Variants in PGGHG observed in about 807,000 individuals in gnomAD.
The protein encoded by PGGHG is protein-glucosylgalactosylhydroxylysine glucosidase.
Under a neutral mutation model 74.5 loss-of-function variants are expected in PGGHG, and 67 were observed. The observed-to-expected ratio is 0.90, with a 90% CI of 0.74 to 1.10. The LOEUF (loss-of-function observed/expected upper bound fraction) is 1.10, where lower values mean the gene tolerates loss of function less well. Ranked by LOEUF, PGGHG falls within the 50% of genes least tolerant of loss-of-function variation. PGGHG has a pLI of 0.00. For missense variants in PGGHG, 1,034 were observed against 981.5 expected, an observed-to-expected ratio of 1.05 and a Z score of -0.72; for synonymous variants, 496 against 419.9, an observed-to-expected ratio of 1.18 and a Z score of -2.21.
intron 5 of PGGHG, 86 bp from the exon 6 acceptor site, chr11:292,460 C>A: frequency 1.3e-6 from 2 of 1,532,980 alleles, no homozygotes; most frequent in South Asian, 2.3e-5. Context: ...CCGAGCCCCC[C>A]CTCCTCCAGG....
In PGGHG at chr11:289,854, C is replaced by T; in HGVS notation, c.38C>T (p.Ala13Val). 2 of 1,551,080 alleles carry T rather than the reference C, an allele frequency of 1.3e-6. No individual in the cohort carries two copies. The highest frequency in any genetic ancestry group is 1.7e-6 in the Non-Finnish European group (2 of 1,146,886). The part of the protein sequence containing the change: ...DAGEDPTTFA[A>V]HSLPSDPRLL... ...GGCGAGGACCCCACCACGTTTGCTG[C>T]CCACTCTCTGCCCAGTGACCCCCGT... The change falls in exon 2 of 14, where the codon GCC becomes GTC. Residue 13 changes from alanine (A) to valine (V), a missense_variant. By Grantham distance (64) the Ala-to-Val change is moderately conservative. Coordinates refer to ENST00000409548, the MANE Select transcript of PGGHG (RefSeq NM_025092.5). The surrounding 1 kb of genome is among the most constrained non-coding windows in gnomAD (Gnocchi z 5.6).
Position 295,575 on chromosome 11 carries a change from G to A in PGGHG, c.*826G>A, listed in dbSNP as rs1229282184. 1.3e-5 allele frequency: 2 copies of A among 152,314 alleles called. No individual in the cohort carries two copies. Among genetic ancestry groups the A allele is most frequent in the Non-Finnish European group, 2.9e-5 (2 of 68,076 alleles). 9.4% of individuals were successfully genotyped at this position (152,314 alleles called of 1,614,324 possible). On this transcript the variant is annotated 3_prime_UTR_variant, in exon 14 of 14. Transcript: ENST00000409548. ...GGTTCGGTCGTCAGCAGTTTCCCAAGAACAAGATGTGATGGCATCTGCTGC... is the reference window on the plus strand; with the variant it reads ...GGTTCGGTCGTCAGCAGTTTCCCAAAAACAAGATGTGATGGCATCTGCTGC...
At chr11:290,179 A>C (rs1845674466) in intron 2 of PGGHG, 104 bp downstream of exon 2, 1 of 1,435,714 alleles carries the variant, frequency 7.0e-7, no homozygotes, top group South Asian at 1.4e-5. Flanking sequence ...TTTACACAGG[A>C]AGTCTCACTA....
At position 289,682 on chromosome 11, in the gene PGGHG, G is replaced by T; in HGVS notation, c.-13-122G>T. 7.8e-7 allele frequency: 1 copy of T among 1,277,992 alleles called. No individual in the cohort carries two copies. Among genetic ancestry groups the T allele is most frequent in the Non-Finnish European group, 1.0e-6 (1 of 956,116 alleles). The allele number at this position is 1,277,992 out of a possible 1,614,324, so 79.2% of individuals were successfully genotyped here. On this transcript the variant is annotated intron_variant, in intron 1 of 13. Coordinates refer to ENST00000409548, the MANE Select transcript of PGGHG (RefSeq NM_025092.5). The surrounding 1 kb of genome is among the most constrained non-coding windows in gnomAD (Gnocchi z 5.6). The stretch of plus-strand genomic sequence containing the variant: ...CTAGGAGGGGCCTCAGGAAAATCGG[G>T]GCTGCCCAGCTGGTTCCGCAACTCC...
Position 294,422 on chromosome 11 carries a change from C to T in PGGHG, c.1964C>T (p.Ala655Val), listed in dbSNP as rs772970390. The change falls in exon 13 of 14, where the codon GCT becomes GTT. Residue 655 changes from alanine to valine, a missense_variant. Coordinates refer to ENST00000409548, the MANE Select transcript of PGGHG (RefSeq NM_025092.5). The stretch of plus-strand genomic sequence containing the variant: ...GTCACAGCTCGAGCAGGGCCCTGGG[C>T]TCCTCACCTGGAGGCTGAGCTGTGG... ...VEVTARAGPW[A>V]PHLEAELWPS... The T allele has an allele frequency of 9.9e-6, 16 of 1,612,888 alleles. No individual in the cohort carries two copies. In the South Asian group the frequency reaches 1.6e-4, roughly 17 times the overall value.
Position 290,931 on chromosome 11 carries a change from T to C in PGGHG, c.724T>C (p.Cys242Arg), listed in dbSNP as rs759783981. Reference sequence around the variant, plus strand: ...GGCCTGGGCCCAGCTCTGGGTAGAATGTGGCTTGGACGTGGTGGGGCCCCT... The same window carrying C: ...GGCCTGGGCCCAGCTCTGGGTAGAACGTGGCTTGGACGTGGTGGGGCCCCT... ...AQAWAQLWVE[C>R]GLDVVGPLQL... The change falls in exon 4 of 14, where the codon TGT (cysteine) becomes CGT (arginine). Residue 242 changes from cysteine to arginine, a missense_variant. Transcript: ENST00000409548. 3.7e-6 allele frequency: 6 copies of C among 1,612,358 alleles called. No homozygotes were observed. Among genetic ancestry groups the C allele is most frequent in the East Asian group, 4.5e-5 (2 of 44,836 alleles).
Position 290,383 on chromosome 11 carries a change from T to G in PGGHG, c.260-7T>G. ...CAACCCACCTGCCTTCGCTTCTGCC[T>G]CCCCAGGCTCCTTTCTTCACACCCT... On this transcript the variant is annotated splice_polypyrimidine_tract_variant and splice_region_variant and intron_variant, in intron 2 of 13. Transcript: ENST00000409548. 6.5e-7 allele frequency: 1 copy of G among 1,541,496 alleles called. No individual in the cohort carries two copies. The highest frequency in any genetic ancestry group is 1.2e-5 in the South Asian group (1 of 83,948).
rs1845809529 is a variant in PGGHG at position 294,205 on chromosome 11, A to C, written c.1808+9A>C. 6.2e-7 allele frequency: 1 copy of C among 1,601,616 alleles called. No individual in the cohort carries two copies. Among genetic ancestry groups the C allele is most frequent in the African/African-American group, 1.3e-5 (1 of 74,906 alleles). ...GGGTGCACGGGGTTCAGGTAAGTGC[A>C]GAGGCTGGCAGAGGGCAGCCCATGC... On this transcript the variant is annotated intron_variant, in intron 12 of 13. Coordinates refer to ENST00000409548, the MANE Select transcript of PGGHG (RefSeq NM_025092.5).
rs1845675141 is a variant in PGGHG, at chr11:290,197, AG to A, written c.259+124del. On this transcript the variant is annotated intron_variant, in intron 2 of 13. Coordinates refer to ENST00000409548, the MANE Select transcript of PGGHG (RefSeq NM_025092.5). ...ACACAGGAAGTCTCACTAAGACAGG[AG>A]GCCCCAGAGGCCCGCAGGGTCCCCC... is the stretch of plus-strand genomic sequence containing the variant. 6 of 1,400,932 alleles carry A rather than the reference AG, an allele frequency of 4.3e-6. No homozygotes were observed. In the East Asian group the frequency reaches 1.5e-4, roughly 35 times the overall value. The allele number at this position is 1,400,932 out of a possible 1,614,324, so 86.8% of individuals were successfully genotyped here.
chr11:290,067 C>T lies in PGGHG; in HGVS notation c.251C>T (p.Thr84Ile), dbSNP rs1484196319. 27 of 1,531,260 alleles carry T rather than the reference C, an allele frequency of 1.8e-5. No individual in the cohort carries two copies. Among genetic ancestry groups the T allele is most frequent in the Non-Finnish European group, 2.2e-5 (25 of 1,140,550 alleles). The allele number at this position is 1,531,260 out of a possible 1,614,324, so 94.9% of individuals were successfully genotyped here. The change falls in exon 2 of 14, where the codon ACC (threonine) becomes ATC (isoleucine). Residue 84 changes from threonine to isoleucine, a missense_variant. Physicochemically the swap from Thr to Ile is moderately conservative, Grantham distance 89. Transcript: ENST00000409548. ...CTGACCGAGACCTTCGCCCTGGACA[C>T]CAACACAGGTAGCGCCACCTGGCCT... Reference protein sequence around the residue: ...EQLTETFALDTNTGSFLHTLE... With the variant: ...EQLTETFALDINTGSFLHTLE...
At position 293,212 on chromosome 11, in the gene PGGHG, C is replaced by T. The variant is rs775210440; in HGVS notation, c.1320C>T (p.Tyr440=). ...EYHSGVNNSV[Y]TNVLVQNSLR... ...ATTCAGGGGTCAACAACTCTGTGTA[C>T]ACCAACGTCCTGGTCCAGAACAGGT... The change falls in exon 8 of 14, where the codon TAC becomes TAT. Residue 440 remains tyrosine (Y), a synonymous_variant. Coordinates refer to ENST00000409548, the MANE Select transcript of PGGHG (RefSeq NM_025092.5). The T allele has an allele frequency of 9.3e-6, 15 of 1,613,648 alleles. No individual in the cohort carries two copies. The highest frequency in any genetic ancestry group is 8.3e-5 in the Admixed American group (5 of 60,014).
At position 290,769 on chromosome 11, in the gene PGGHG, A is replaced by T. The variant is rs1015962072; in HGVS notation, c.562A>T (p.Thr188Ser). ...MLWTPAPPDL[T>S]LGEGEEARTW... ...GTGGACACCAGCACCCCCAGACCTG[A>T]CCCTTGGGGAAGGTGAGGAGGCTAG... is the stretch of plus-strand genomic sequence containing the variant. The change falls in exon 4 of 14, where the codon ACC becomes TCC. Residue 188 changes from threonine to serine, a missense_variant. By Grantham distance (58) the Thr-to-Ser change is moderately conservative. Coordinates refer to ENST00000409548, the MANE Select transcript of PGGHG (RefSeq NM_025092.5). The T allele has an allele frequency of 6.2e-7, 1 of 1,612,498 alleles. No individual in the cohort carries two copies. The highest frequency in any genetic ancestry group is 8.5e-7 in the Non-Finnish European group (1 of 1,179,728).
rs147479946 is a variant in PGGHG, at chr11:292,078, C to G, written c.1009C>G (p.Gln337Glu). 1 of 1,566,662 alleles carries G rather than the reference C, an allele frequency of 6.4e-7. No individual in the cohort carries two copies. Among genetic ancestry groups the G allele is most frequent in the African/African-American group, 1.4e-5 (1 of 74,020 alleles). Reference sequence around the variant, plus strand: ...GCTGGACGGGGCCCTGGAGAACGCCCAGAACCTGGGCTACCAGGTGAGGGG... The same window carrying G: ...GCTGGACGGGGCCCTGGAGAACGCCGAGAACCTGGGCTACCAGGTGAGGGG... ...RTLDGALENA[Q>E]NLGYQGAKFA... Residue 337 changes from glutamine (Q) to glutamate (E), a missense_variant, in exon 5 of 14, where the codon CAG (glutamine) becomes GAG (glutamate). By Grantham distance (29) the Gln-to-Glu change is conservative (BLOSUM62 2). Coordinates refer to ENST00000409548, the MANE Select transcript of PGGHG (RefSeq NM_025092.5).
Position 289,783 on chromosome 11 carries a change from A to T in PGGHG, c.-13-21A>T, listed in dbSNP as rs1756510293. ...GGCCCAGCCAGTCCCGCGGCCCCTG[A>T]CACCCCATCAGGCCGCTCAGGCCCA... On this transcript the variant is annotated intron_variant, in intron 1 of 13. Coordinates refer to ENST00000409548, the MANE Select transcript of PGGHG (RefSeq NM_025092.5). The surrounding 1 kb of genome is among the most constrained non-coding windows in gnomAD (Gnocchi z 5.6). The T allele has an allele frequency of 1.3e-6, 2 of 1,535,272 alleles. No homozygotes were observed. The highest frequency in any genetic ancestry group is 1.2e-5 in the South Asian group (1 of 82,362).
chr11:293,567 C>G, intron 9 of PGGHG, 27 bp from the exon 10 acceptor site: 1 of 1,613,262 alleles, frequency 6.2e-7, no homozygotes. Context: ...CCTGGAACAC[C>G]TTCCAGTCAG....
At chr11:294,025 C>A in intron 11 of PGGHG, 74 bp from the exon 12 acceptor site, 2 of 1,575,994 alleles carry the variant, frequency 1.3e-6, no homozygotes, top group Non-Finnish European at 1.7e-6. Context: ...GAGCTTCCTG[C>A]CGGATCTTGG....
Position 290,959 on chromosome 11 carries a change from A to C in PGGHG, c.752A>C (p.Gln251Pro), listed in dbSNP as rs2134022051. ...GGCTTGGACGTGGTGGGGCCCCTGCAGCTGCGCCAGGCCCTGCGTGGCTCC... is the reference window on the plus strand; with the variant it reads ...GGCTTGGACGTGGTGGGGCCCCTGCCGCTGCGCCAGGCCCTGCGTGGCTCC... ...ECGLDVVGPL[Q>P]LRQALRGSLY... Residue 251 changes from glutamine (Q) to proline (P), a missense_variant, in exon 4 of 14, where the codon CAG becomes CCG. Transcript: ENST00000409548. 1 of 1,612,736 alleles carries C rather than the reference A, an allele frequency of 6.2e-7. No individual in the cohort carries two copies. The highest frequency in any genetic ancestry group is 8.5e-7 in the Non-Finnish European group (1 of 1,179,980).
chr11:295,248 C>T lies in PGGHG; in HGVS notation c.*499C>T, dbSNP rs1845839660. On this transcript the variant is annotated 3_prime_UTR_variant, in exon 14 of 14. Coordinates refer to ENST00000409548, the MANE Select transcript of PGGHG (RefSeq NM_025092.5). ...GCAGCTTTGCCAAAAAGGAACTTTT[C>T]ATGTCATGCAGTTGAGGGGACTTAG... 1 of 152,958 alleles carries T rather than the reference C, an allele frequency of 6.5e-6. No homozygotes were observed. The highest frequency in any genetic ancestry group is 1.5e-5 in the Non-Finnish European group (1 of 68,604). 9.5% of individuals were successfully genotyped at this position (152,958 alleles called of 1,614,324 possible).
intron 5 of PGGHG, 73 bp from the exon 6 acceptor site, chr11:292,473 G>C: frequency 1.3e-6 from 2 of 1,579,094 alleles, no homozygotes; most frequent in South Asian, 2.3e-5. Flanking sequence ...CCTCCAGGGC[G>C]AGGGCACGGG....
Sources: allele counts gnomAD v4.1 joint callset, GRCh38; gene constraint gnomAD v4.1.1; non-coding constraint Gnocchi (gnomAD v3.1); transcripts MANE v1.5; gene names NCBI Gene and HGNC (gene_info 2026-07-23, HGNC 2026-07-21).